The following LINGO2 variants were observed in gnomAD, a reference collection of about 807,000 sequenced individuals.
The protein encoded by LINGO2 is leucine-rich repeat and immunoglobulin-like domain-containing nogo receptor-interacting protein 2.
A neutral mutation model predicts 30.6 loss-of-function variants in LINGO2; 14 were observed. The ratio of observed to expected loss-of-function variants is 0.46; its 90% CI spans 0.30 to 0.72. LINGO2 has a LOEUF of 0.72. Ranked by LOEUF, LINGO2 falls within the 30% of genes least tolerant of loss-of-function variation. LINGO2 has a pLI of 0.07. For synonymous variants in LINGO2, 317 were observed against 288.5 expected (o/e 1.10, Z -1.00); for missense variants, 729 against 751.7 (o/e 0.97, Z 0.35).
chr9:28,864,551 A>G, the LINGO2 span, among the ~76,000 whole-genome samples: 3,023 of 152,270 alleles, frequency 0.02, 45 homozygotes, highest in Non-Finnish European at 0.027. Flanking sequence ...AGTAAGCATA[A>G]TATCAATCAA....
chr9:28,631,840 G>T (rs1353388190), intron 1 of LINGO2, among the ~76,000 whole-genome samples: 1 of 152,072 alleles, frequency 6.6e-6, no homozygotes, highest in Non-Finnish European at 1.5e-5. Flanking sequence ...TAAACTGGTG[G>T]TATCACATGA....
chr9:27,977,382 G>A (rs543119788), intron 5 of LINGO2, among the ~76,000 whole-genome samples: 7 of 151,914 alleles, frequency 4.6e-5, no homozygotes, highest in Non-Finnish European at 7.4e-5. Context: ...TAGAGAGCTC[G>A]AAGGGCACTA....
At chr9:28,199,229 T>G (rs889119951) in intron 4 of LINGO2, among the ~76,000 whole-genome samples, 4 of 152,182 alleles carry the variant, frequency 2.6e-5, no homozygotes, top group Non-Finnish European at 5.9e-5. Flanking sequence ...AGTAGGCAAT[T>G]AATAAATGCT....
intron 1 of LINGO2, among the ~76,000 whole-genome samples, chr9:28,586,785 T>A (rs1311405868): frequency 6.6e-6 from 1 of 151,862 alleles, no homozygotes; most frequent in Non-Finnish European, 1.5e-5. Flanking sequence ...TGGAGAGAGG[T>A]TAAGCCTGGC....
intron 2 of LINGO2, among the ~76,000 whole-genome samples, chr9:28,417,277 T>TTCA (rs1823004653): frequency 6.6e-6 from 1 of 152,206 alleles, no homozygotes; most frequent in Non-Finnish European, 1.5e-5. Flanking sequence ...TTCAGTGGTG[T>TTCA]TCAGTCCCAT....
chr9:28,171,721 C>T (rs972416778), intron 4 of LINGO2, among the ~76,000 whole-genome samples: 1 of 151,898 alleles, frequency 6.6e-6, no homozygotes, highest in Non-Finnish European at 1.5e-5. Context: ...ATAAAAACAG[C>T]ATCTCTGCCG....
At chr9:28,829,050 C>T in the LINGO2 span, among the ~76,000 whole-genome samples, 1 of 152,096 alleles carries the variant, frequency 6.6e-6, no homozygotes, top group Non-Finnish European at 1.5e-5. Context: ...GTCCCACTCC[C>T]CATCCTGCAG....
intron 4 of LINGO2, among the ~76,000 whole-genome samples, chr9:28,206,175 A>G (rs1820403638): frequency 6.6e-6 from 1 of 150,790 alleles, no homozygotes; most frequent in Non-Finnish European, 1.5e-5. Flanking sequence ...AAAAAAAAAA[A>G]AAAAAAAAAA....
chr9:28,948,889 G>A, the LINGO2 span, among the ~76,000 whole-genome samples: 4 of 151,766 alleles, frequency 2.6e-5, no homozygotes, highest in South Asian at 2.1e-4. Context: ...TAATTACAAC[G>A]GTACTAGATG....
chr9:28,569,490 T>C (rs1823565214), intron 1 of LINGO2, among the ~76,000 whole-genome samples: 2 of 151,968 alleles, frequency 1.3e-5, no homozygotes, highest in Non-Finnish European at 1.5e-5. Context: ...AGTGACAACA[T>C]AGATGACCTA....
chr9:29,144,479 T>C, the LINGO2 span, among the ~76,000 whole-genome samples: 1 of 151,862 alleles, frequency 6.6e-6, no homozygotes, highest in East Asian at 1.9e-4. Flanking sequence ...ATACTGGAAG[T>C]ATATTAGAGA....
At chr9:28,017,559 C>A (rs190261940) in intron 4 of LINGO2, among the ~76,000 whole-genome samples, 2 of 152,140 alleles carry the variant, frequency 1.3e-5, no homozygotes, top group Admixed American at 1.3e-4. Context: ...AGTAGTACTT[C>A]TATATATCGG....
chr9:28,613,455 A>G (rs1826002690), intron 1 of LINGO2, among the ~76,000 whole-genome samples: 1 of 150,854 alleles, frequency 6.6e-6, no homozygotes. Context: ...ATATACCCAT[A>G]TGATATATAT....
intron 3 of LINGO2, among the ~76,000 whole-genome samples, chr9:28,343,478 C>A (rs1436398520): frequency 1.3e-5 from 2 of 152,024 alleles, no homozygotes; most frequent in Non-Finnish European, 2.9e-5. Flanking sequence ...TGTTTTCTGG[C>A]AAATCAACAA....
At chr9:28,475,317 G>T (rs1440009577) in intron 2 of LINGO2, among the ~76,000 whole-genome samples, 4 of 152,008 alleles carry the variant, frequency 2.6e-5, no homozygotes, top group African/African-American at 9.7e-5. Flanking sequence ...GATACTAAAG[G>T]TTTTTATACT....
At chr9:29,199,945 A>G in the LINGO2 span, among the ~76,000 whole-genome samples, 2 of 151,262 alleles carry the variant, frequency 1.3e-5, no homozygotes, top group Non-Finnish European at 3.0e-5. Flanking sequence ...GTATTGAGAG[A>G]AAAAAAAAGC....
chr9:28,064,084 T>C (rs13286643), intron 4 of LINGO2, among the ~76,000 whole-genome samples: 1 of 151,932 alleles, frequency 6.6e-6, no homozygotes. Context: ...AGAACTTCAG[T>C]AGGGGGAGAA....
chr9:28,477,380 A>G (rs892089384), intron 1 of LINGO2, among the ~76,000 whole-genome samples: 16 of 152,116 alleles, frequency 1.1e-4, no homozygotes, highest in African/African-American at 3.6e-4. Context: ...TGAATTATTC[A>G]AGATCCACAG....
chr9:28,454,360 C>T (rs1331871316), intron 2 of LINGO2, among the ~76,000 whole-genome samples: 1 of 151,976 alleles, frequency 6.6e-6, no homozygotes, highest in East Asian at 1.9e-4. Context: ...AAAAAGCACA[C>T]ACATACACAC....
Sources: gnomAD v4.1 joint callset for allele counts (sites outside exome capture counted in the v4.1 genomes callset) on GRCh38, gnomAD v4.1.1 for gene constraint, MANE v1.5 for transcripts, NCBI Gene and HGNC (gene_info 2026-07-23, HGNC 2026-07-21) for gene names.